The following ABCD2 variants were observed in gnomAD, a reference collection of about 807,000 sequenced individuals.
ABCD2 encodes ATP-binding cassette sub-family D member 2.
Under a neutral mutation model 70.9 loss-of-function variants are expected in ABCD2, and 36 were observed. That is an observed-to-expected ratio of 0.51 (90% CI 0.39 to 0.67). The LOEUF (loss-of-function observed/expected upper bound fraction) is 0.67, where lower values mean the gene tolerates loss of function less well. Ranked by LOEUF, ABCD2 falls within the 30% of genes least tolerant of loss-of-function variation. ABCD2 has a pLI of 0.00. For missense variants in ABCD2, 729 were observed against 890.2 expected, an observed-to-expected ratio of 0.82 and a Z score of 2.30; for synonymous variants, 304 against 306.9, an observed-to-expected ratio of 0.99 and a Z score of 0.10.
intron 9 of ABCD2, among the ~76,000 whole-genome samples, chr12:39,563,504 C>G (rs1031744296): frequency 6.6e-6 from 1 of 151,992 alleles, no homozygotes; most frequent in South Asian, 2.1e-4. Flanking sequence ...AAGTCCTACC[C>G]AGAGCAATTA....
At chr12:39,592,232 C>T (rs945076393) in intron 6 of ABCD2, among the ~76,000 whole-genome samples, 5 of 152,162 alleles carry the variant, frequency 3.3e-5, no homozygotes, top group African/African-American at 7.2e-5. Context: ...GCTACTAAGC[C>T]TTCCTTGTGG....
chr12:39,557,894 G>A (rs755107652), intron 9 of ABCD2, among the ~76,000 whole-genome samples: 1 of 152,228 alleles, frequency 6.6e-6, no homozygotes, highest in Non-Finnish European at 1.5e-5. Context: ...GAGCCCTTAT[G>A]GAGAACCATT....
the ABCD2 span, among the ~76,000 whole-genome samples, chr12:39,538,931 C>T: frequency 6.6e-6 from 1 of 152,138 alleles, no homozygotes; most frequent in African/African-American, 2.4e-5. Context: ...TTACAGAGGA[C>T]TATAAAACCC....
At chr12:39,618,410 T>C (rs189175853) in intron 1 of ABCD2, among the ~76,000 whole-genome samples, 1 of 152,334 alleles carries the variant, frequency 6.6e-6, no homozygotes, top group East Asian at 1.9e-4. Flanking sequence ...CTGAGCATAT[T>C]TGAGTAACTG....
At chr12:39,573,645 T>C in intron 9 of ABCD2, 71 bp downstream of exon 9, 1 of 1,543,306 alleles carries the variant, frequency 6.5e-7, no homozygotes, top group South Asian at 1.3e-5. Context: ...CTGTGAAAAA[T>C]TTAGCAAAGT....
At chr12:39,556,610 T>A (rs143687299) in intron 9 of ABCD2, among the ~76,000 whole-genome samples, 4 of 152,156 alleles carry the variant, frequency 2.6e-5, no homozygotes, top group African/African-American at 9.7e-5. Flanking sequence ...CCTTTATAAA[T>A]TACCCGGTCT....
At chr12:39,562,833 G>A (rs1292210527) in intron 9 of ABCD2, among the ~76,000 whole-genome samples, 1 of 151,954 alleles carries the variant, frequency 6.6e-6, no homozygotes, top group Non-Finnish European at 1.5e-5. Context: ...CCCTGATACT[G>A]AAACCAAACA....
chr12:39,540,156 T>A, the ABCD2 span, among the ~76,000 whole-genome samples: 1 of 152,194 alleles, frequency 6.6e-6, no homozygotes, highest in Admixed American at 6.5e-5. Context: ...TAGAAAACAT[T>A]TTAGTGACTC....
rs576537680 is a variant in ABCD2 at position 39,553,810 on chromosome 12, G to C, written c.*102C>G. The C allele has an allele frequency of 1.8e-5, 15 of 837,522 alleles. No homozygotes were observed. The African/African-American group carries it at 2.4e-4, about 13-fold the overall frequency. 51.9% of individuals were successfully genotyped at this position (837,522 alleles called of 1,614,324 possible). On this transcript the variant is annotated 3_prime_UTR_variant, in exon 10 of 10. Transcript: ENST00000308666. ...AAAATCTTATAAAACATGTCTTGCTGCCTTTTTTTCTCTGTGCTTAGCTTA... is the reference window on the plus strand; with the variant it reads ...AAAATCTTATAAAACATGTCTTGCTCCCTTTTTTTCTCTGTGCTTAGCTTA...
At chr12:39,532,678 CAATT>C in the ABCD2 span, among the ~76,000 whole-genome samples, 1 of 152,054 alleles carries the variant, frequency 6.6e-6, no homozygotes, top group Non-Finnish European at 1.5e-5. Flanking sequence ...AAACTGGAAA[CAATT>C]AAGATACCGA....
intron 9 of ABCD2, among the ~76,000 whole-genome samples, chr12:39,564,427 C>A (rs541392345): frequency 6.2e-4 from 95 of 152,286 alleles, no homozygotes; most frequent in Non-Finnish European, 1.0e-3. Flanking sequence ...TAAATGTCTT[C>A]TTTTGAGAAG....
intron 1 of ABCD2, 84 bp downstream of exon 1, chr12:39,618,593 G>T (rs1441815279): frequency 1.6e-6 from 2 of 1,284,386 alleles, no homozygotes; most frequent in South Asian, 1.4e-5. Flanking sequence ...TGGGTCCATC[G>T]ACAGGACAAC....
At chr12:39,532,777 T>C in the ABCD2 span, among the ~76,000 whole-genome samples, 1 of 152,128 alleles carries the variant, frequency 6.6e-6, no homozygotes, top group Non-Finnish European at 1.5e-5. Flanking sequence ...TAAAAGAAAA[T>C]ATCTATAATA....
chr12:39,586,906 A>G (rs923695566), intron 6 of ABCD2, among the ~76,000 whole-genome samples: 3 of 152,198 alleles, frequency 2.0e-5, no homozygotes, highest in Non-Finnish European at 2.9e-5. Flanking sequence ...TACTAATCAG[A>G]TTGGCAAAAA....
chr12:39,565,728 C>T (rs1164625633), intron 9 of ABCD2, among the ~76,000 whole-genome samples: 7 of 152,262 alleles, frequency 4.6e-5, no homozygotes, highest in Middle Eastern at 3.4e-3. Flanking sequence ...GGAATGCTCC[C>T]AGTTTTTGCT....
chr12:39,568,807 T>C (rs1203470590), intron 9 of ABCD2, among the ~76,000 whole-genome samples: 2 of 152,176 alleles, frequency 1.3e-5, no homozygotes, highest in Non-Finnish European at 2.9e-5. Context: ...GGGGTTTTGG[T>C]GTTCATGTCC....
intron 2 of ABCD2, among the ~76,000 whole-genome samples, chr12:39,608,813 T>C (rs934623422): frequency 2.0e-5 from 3 of 152,170 alleles, no homozygotes; most frequent in Non-Finnish European, 4.4e-5. Flanking sequence ...TATGGTGTGG[T>C]TTCTTTAATA....
chr12:39,571,018 G>A (rs1313333884), intron 9 of ABCD2, among the ~76,000 whole-genome samples: 2 of 151,998 alleles, frequency 1.3e-5, no homozygotes, highest in South Asian at 4.1e-4. Flanking sequence ...CTAATCATTA[G>A]GTAAATTCAA....
intron 9 of ABCD2, among the ~76,000 whole-genome samples, chr12:39,572,496 T>C (rs1342110645): frequency 6.6e-6 from 1 of 152,198 alleles, no homozygotes; most frequent in Non-Finnish European, 1.5e-5. Context: ...AAGTATATTT[T>C]TTAAAAATTC....
Sources: gnomAD v4.1 joint callset for allele counts (sites outside exome capture counted in the v4.1 genomes callset) on GRCh38, gnomAD v4.1.1 for gene constraint, MANE v1.5 for transcripts, NCBI Gene and HGNC (gene_info 2026-07-23, HGNC 2026-07-21) for gene names.